DIS3: variants seen among roughly 807,000 people sequenced by gnomAD.
DIS3 encodes DIS3 exosome endoribonuclease and 3'-5' exoribonuclease, also known as exosome complex exonuclease RRP44.
A neutral mutation model predicts 113.0 loss-of-function variants in DIS3; 103 were observed. That is an observed-to-expected ratio of 0.91 (90% CI 0.78 to 1.07). DIS3 has a LOEUF of 1.07. Ranked by LOEUF, DIS3 falls within the 50% of genes least tolerant of loss-of-function variation. The pLI, the probability that DIS3 is intolerant of heterozygous loss-of-function variation, is 0.00. For synonymous variants in DIS3, 402 were observed against 394.3 expected, an observed-to-expected ratio of 1.02 and a Z score of -0.23; for missense variants, 1,121 against 1,167.1, an observed-to-expected ratio of 0.96 and a Z score of 0.58.
In DIS3 at chr13:72,781,598, C is replaced by A; in HGVS notation, c.228+7G>T. ...CCGCGCTGTCCGCGGTTCGCCCGCC[C>A]ACGCACCTGGTGCAGTAACACATTA... On this transcript the variant is annotated splice_region_variant and intron_variant, in intron 1 of 20. Coordinates refer to ENST00000377767, the MANE Select transcript of DIS3 (RefSeq NM_014953.5). 6.7e-7 allele frequency: 1 copy of A among 1,497,872 alleles called. No individual in the cohort carries two copies. 92.8% of individuals were successfully genotyped at this position (1,497,872 alleles called of 1,614,324 possible).
intron 5 of DIS3, among the ~76,000 whole-genome samples, 186 bp downstream of exon 5, chr13:72,775,739 C>T (rs1035095321): frequency 2.7e-5 from 4 of 150,478 alleles, no homozygotes; most frequent in South Asian, 2.1e-4. Flanking sequence ...AAATGCCATG[C>T]GCAAAGATTT....
intron 1 of DIS3, 167 bp from the exon 2 acceptor site, chr13:72,781,170 C>A: frequency 1.4e-6 from 2 of 1,381,732 alleles, no homozygotes; most frequent in Non-Finnish European, 1.0e-6. Context: ...AGTCACTAAA[C>A]CCTTCAGATC....
Position 72,755,918 on chromosome 13 carries a change from C to T in DIS3, c.*3877G>A, listed in dbSNP as rs1445817724. The T allele has an allele frequency of 5.0e-6, 2 of 398,404 alleles. No individual in the cohort carries two copies. The highest frequency in any genetic ancestry group is 8.8e-6 in the Non-Finnish European group (2 of 226,038). The allele number at this position is 398,404 out of a possible 1,614,324, so 24.7% of individuals were successfully genotyped here. Reference sequence around the variant, plus strand: ...GTAGGGACATCCTTTCCAGCTCAAACGTGGGTAGGGATGTGGGAGAATAAG... The same window carrying T: ...GTAGGGACATCCTTTCCAGCTCAAATGTGGGTAGGGATGTGGGAGAATAAG... On this transcript the variant is annotated 3_prime_UTR_variant, in exon 21 of 21. Transcript: ENST00000377767.
At chr13:72,780,382 T>C (rs1593855961) in intron 2 of DIS3, among the ~76,000 whole-genome samples, 1 of 144,268 alleles carries the variant, frequency 6.9e-6, no homozygotes, top group South Asian at 2.3e-4. Flanking sequence ...TCTTGCTCAA[T>C]GTAATCAGCT....
At position 72,777,452 on chromosome 13, in the gene DIS3, T is replaced by C. The variant is rs553107874; in HGVS notation, c.622A>G (p.Ile208Val). Reference sequence around the variant, plus strand: ...TCAGACAAACAAGCAAGACGATCTATGAGTTCGGGGTTAGCAGTTAGGCTC... The same window carrying C: ...TCAGACAAACAAGCAAGACGATCTACGAGTTCGGGGTTAGCAGTTAGGCTC... Reference protein sequence around the residue: ...VKSLTANPELIDRLACLSEEG... With the variant: ...VKSLTANPELVDRLACLSEEG... Residue 208 changes from isoleucine to valine, a missense_variant, in exon 4 of 21, where the codon ATA becomes GTA. By Grantham distance (29) the Ile-to-Val change is conservative. Transcript: ENST00000377767. The C allele has an allele frequency of 1.9e-6, 3 of 1,614,104 alleles. No individual in the cohort carries two copies. Among genetic ancestry groups the C allele is most frequent in the Admixed American group, 3.3e-5 (2 of 60,014 alleles).
rs755777600 is a variant in DIS3, at chr13:72,775,979, T to C, written c.768A>G (p.Glu256=). ...TCCATACTGTAGCTTCCAAGTAATT[T>C]TCCCTGCTAGCTCTAAATGTTCCTT... The part of the protein sequence containing the change: ...YLQGTFRASR[E]NYLEATVWIH... The change falls in exon 5 of 21, where the codon GAA becomes GAG. Residue 256 remains glutamate (E), a synonymous_variant. Transcript: ENST00000377767. The C allele has an allele frequency of 1.2e-6, 2 of 1,611,838 alleles. No homozygotes were observed. The highest frequency in any genetic ancestry group is 2.2e-5 in the East Asian group (1 of 44,728).
At chr13:72,775,555 C>T (rs145312330) in intron 5 of DIS3, among the ~76,000 whole-genome samples, 180 bp from the exon 6 acceptor site, 169 of 151,972 alleles carry the variant, frequency 1.1e-3, no homozygotes, top group African/African-American at 3.9e-3. Flanking sequence ...TTCTCAATAC[C>T]AGGTAGAAAA....
At chr13:72,764,473 T>G (rs1248916452) in intron 15 of DIS3, among the ~76,000 whole-genome samples, 1 of 152,186 alleles carries the variant, frequency 6.6e-6, no homozygotes, top group Non-Finnish European at 1.5e-5. Context: ...GTTTTACAGA[T>G]GAGAAAATTG....
In DIS3 at chr13:72,755,569, G is replaced by A. The variant is rs2033438631; in HGVS notation, c.*4226C>T. 3.0e-6 allele frequency: 1 copy of A among 330,958 alleles called. No individual in the cohort carries two copies. The highest frequency in any genetic ancestry group is 5.4e-6 in the Non-Finnish European group (1 of 185,182). The allele number at this position is 330,958 out of a possible 1,614,324, so 20.5% of individuals were successfully genotyped here. On this transcript the variant is annotated 3_prime_UTR_variant, in exon 21 of 21. Transcript: ENST00000377767. ...CTGAATTTAGCAGTTCTGAGAACAT[G>A]TGAAACTATGTTAAAACTGAAGGCA... is the stretch of plus-strand genomic sequence containing the variant.
chr13:72,781,719 C>T lies in DIS3; in HGVS notation c.114G>A (p.Ala38=). 6.3e-7 allele frequency: 1 copy of T among 1,578,010 alleles called. No individual in the cohort carries two copies. Among genetic ancestry groups the T allele is most frequent in the Non-Finnish European group, 8.6e-7 (1 of 1,162,914 alleles). ...DIGCGAPGCA[A]CGGAHEGPAL... is the part of the protein sequence containing the mutation. ...CCGGCCCCTCGTGCGCCCCTCCACA[C>T]GCTGCGCACCCGGGCGCACCGCAGC... Residue 38 remains alanine (A), a synonymous_variant, in exon 1 of 21, where the codon GCG becomes GCA. Transcript: ENST00000377767.
At chr13:72,779,409 C>G (rs961275765) in intron 2 of DIS3, among the ~76,000 whole-genome samples, 1 of 152,078 alleles carries the variant, frequency 6.6e-6, no homozygotes, top group Non-Finnish European at 1.5e-5. Flanking sequence ...TAAGCCACCA[C>G]GCCCAGCTGC....
chr13:72,766,819 C>T (rs1199171314), intron 14 of DIS3, among the ~76,000 whole-genome samples: 1 of 152,038 alleles, frequency 6.6e-6, no homozygotes, highest in Non-Finnish European at 1.5e-5. Context: ...CTTGAACAAT[C>T]ATGGAGAAGG....
At position 72,766,038 on chromosome 13, in the gene DIS3, G is replaced by C. The variant is rs998869585; in HGVS notation, c.1904C>G (p.Pro635Arg). ...ACTGTCCATGTGGAATCGAACTTCA[G>C]GAGAGGATAGAGTCAAAGCCCTACA... ...IEKGALTLSSPEVRFHMDSET... is the reference protein window; with the variant it reads ...IEKGALTLSSREVRFHMDSET... The change falls in exon 15 of 21, where the codon CCT becomes CGT. Residue 635 changes from proline to arginine, a missense_variant. By Grantham distance (103) the Pro-to-Arg change is moderately radical. Coordinates refer to ENST00000377767, the MANE Select transcript of DIS3 (RefSeq NM_014953.5). The C allele has an allele frequency of 1.9e-6, 3 of 1,611,158 alleles. No individual in the cohort carries two copies. Among genetic ancestry groups the C allele is most frequent in the African/African-American group, 1.3e-5 (1 of 74,846 alleles).
intron 14 of DIS3, among the ~76,000 whole-genome samples, chr13:72,767,690 G>A (rs1443410840): frequency 6.6e-6 from 1 of 152,188 alleles, no homozygotes; most frequent in Non-Finnish European, 1.5e-5. Context: ...TGGCTATTGA[G>A]CACTTGAAAT....
In DIS3 at chr13:72,759,733, G is replaced by T. The variant is rs2033578471; in HGVS notation, c.*62C>A. ...GTATCACACACTTAGGCTTAGAAGT[G>T]TTCTTTCAAGTTTTTTCTTTTAAAA... On this transcript the variant is annotated 3_prime_UTR_variant, in exon 21 of 21. Transcript: ENST00000377767. 5 of 1,321,352 alleles carry T rather than the reference G, an allele frequency of 3.8e-6. No individual in the cohort carries two copies. The highest frequency in any genetic ancestry group is 5.4e-6 in the Non-Finnish European group (5 of 930,652). The allele number at this position is 1,321,352 out of a possible 1,614,324, so 81.9% of individuals were successfully genotyped here.
Position 72,755,510 on chromosome 13 carries a change from T to C in DIS3, c.*4285A>G. 5.0e-6 allele frequency: 2 copies of C among 398,560 alleles called. No homozygotes were observed. Among genetic ancestry groups the C allele is most frequent in the African/African-American group, 2.0e-5 (1 of 49,166 alleles). The allele number at this position is 398,560 out of a possible 1,614,324, so 24.7% of individuals were successfully genotyped here. A position where few individuals can be genotyped will look rare whatever the true frequency, so the allele number is the denominator to read the frequency against. Reference sequence around the variant, plus strand: ...AGCTGAGTGCTCCTATCTTACAGGGTCAATGAACTACTTATTAAGCCTTAC... The same window carrying C: ...AGCTGAGTGCTCCTATCTTACAGGGCCAATGAACTACTTATTAAGCCTTAC... On this transcript the variant is annotated 3_prime_UTR_variant, in exon 21 of 21. Transcript: ENST00000377767.
At chr13:72,763,024 G>A (rs929204574) in intron 16 of DIS3, among the ~76,000 whole-genome samples, 23 of 151,988 alleles carry the variant, frequency 1.5e-4, no homozygotes, top group Non-Finnish European at 3.2e-4. Flanking sequence ...TGGGTGCGGT[G>A]GCTCACACCT....
chr13:72,771,934 G>C lies in DIS3; in HGVS notation c.1504-38C>G, dbSNP rs768115342. 1.9e-6 allele frequency: 3 copies of C among 1,589,296 alleles called. No individual in the cohort carries two copies. The African/African-American group carries it at 4.0e-5, about 21-fold the overall frequency. ...AAAATAAAAGGATGTCAATATGCTT[G>C]ACTGGGTAAATGTACCTAATGGAGT... On this transcript the variant is annotated intron_variant, in intron 10 of 20. Coordinates refer to ENST00000377767, the MANE Select transcript of DIS3 (RefSeq NM_014953.5).
intron 6 of DIS3, among the ~76,000 whole-genome samples, chr13:72,774,688 T>C (rs1054936802): frequency 1.3e-5 from 2 of 152,138 alleles, no homozygotes; most frequent in South Asian, 2.1e-4. Flanking sequence ...ATTTATAATA[T>C]TGTAATTATA....
Sources: allele counts gnomAD v4.1 joint callset (sites outside exome capture counted in the v4.1 genomes callset), GRCh38; gene constraint gnomAD v4.1.1; transcripts MANE v1.5; gene names NCBI Gene and HGNC (gene_info 2026-07-23, HGNC 2026-07-21).